MICALL2: variants seen among roughly 807,000 people sequenced by gnomAD.
MICALL2 encodes MICAL-like protein 2.
In MICALL2, 111 loss-of-function variants were observed where a neutral mutation model predicts 91.1. The ratio of observed to expected loss-of-function variants is 1.22; its 90% CI spans 1.04 to 1.43. MICALL2 has a LOEUF of 1.43. Among genes scored for constraint, MICALL2 ranks in the 40% most tolerant of loss-of-function variants. The pLI, the probability that MICALL2 is intolerant of heterozygous loss-of-function variation, is 0.00. For synonymous variants in MICALL2, 694 were observed against 525.3 expected (o/e 1.32, Z -4.39); for missense variants, 1,556 against 1,236.0 (o/e 1.26, Z -3.88).
Position 1,459,315 on chromosome 7 carries a change from G to C in MICALL2, c.12C>G (p.Ile4Met), listed in dbSNP as rs368824694. The change falls in exon 1 of 17, where the codon ATC (isoleucine) becomes ATG (methionine). Residue 4 changes from isoleucine to methionine, a missense_variant. Ile to Met is a conservative substitution (Grantham distance 10). Coordinates refer to ENST00000297508, the MANE Select transcript of MICALL2 (RefSeq NM_182924.4). MAA[I>M]RALQQWCRQQ... The stretch of plus-strand genomic sequence containing the variant: ...GCCGGCACCACTGTTGCAGCGCCCT[G>C]ATGGCCGCCATGTGGGCGGCGCGCC... The C allele has an allele frequency of 1.7e-5, 26 of 1,555,912 alleles. No individual in the cohort carries two copies. The African/African-American group carries it at 2.4e-4, about 14-fold the overall frequency.
chr7:1,434,825 G>A (rs573811881), intron 16 of MICALL2, 153 bp from the exon 17 acceptor site: 48 of 830,838 alleles, frequency 5.8e-5, no homozygotes, highest in East Asian at 3.5e-4. Context: ...GCCCTCCCAC[G>A]TGAGAACCTG....
At position 1,438,924 on chromosome 7, in the gene MICALL2, G is replaced by A. The variant is rs569986164; in HGVS notation, c.2038C>T (p.Leu680Phe). ...TCCTGGCCAGGGGGCTCCGGCCGAA[G>A]CCAGTTGTCACAAACGTCGAGGCTG... ...PASLDVCDNW[L>F]RPEPPGQEAR... The change falls in exon 10 of 17, where the codon CTT (leucine) becomes TTT (phenylalanine). Residue 680 changes from leucine (L) to phenylalanine (F), a missense_variant. Physicochemically the swap from Leu to Phe is conservative, Grantham distance 22. Coordinates refer to ENST00000297508, the MANE Select transcript of MICALL2 (RefSeq NM_182924.4). The A allele has an allele frequency of 3.4e-5, 55 of 1,608,378 alleles. No individual in the cohort carries two copies. Among genetic ancestry groups the A allele is most frequent in the South Asian group, 1.6e-4 (15 of 91,078 alleles).
intron 7 of MICALL2, 112 bp downstream of exon 7, chr7:1,442,080 A>G: frequency 8.2e-7 from 1 of 1,214,254 alleles, no homozygotes; most frequent in South Asian, 1.4e-5. Context: ...TGAGACGGAG[A>G]GGAAGGCGGG....
chr7:1,439,741 A>G (rs925640419), intron 9 of MICALL2, 184 bp downstream of exon 9: 3 of 461,220 alleles, frequency 6.5e-6, no homozygotes, highest in South Asian at 5.7e-5. Flanking sequence ...ACATGCACAC[A>G]TGCATCACAC....
intron 1 of MICALL2, among the ~76,000 whole-genome samples, chr7:1,458,120 G>A (rs1781083831): frequency 6.6e-6 from 1 of 152,266 alleles, no homozygotes; most frequent in South Asian, 2.1e-4. Flanking sequence ...CGAGGCTGTT[G>A]CTCAAGACCC....
chr7:1,439,677 G>A (rs1447000636), intron 9 of MICALL2: 3 of 410,376 alleles, frequency 7.3e-6, no homozygotes, highest in Non-Finnish European at 1.3e-5. Context: ...GAACACAGAT[G>A]TACACATGCG....
At chr7:1,454,873 T>C (rs1054303607) in intron 1 of MICALL2, among the ~76,000 whole-genome samples, 4 of 152,044 alleles carry the variant, frequency 2.6e-5, no homozygotes, top group African/African-American at 9.7e-5. Context: ...CTCCATGCAC[T>C]GCACAGCGGC....
At chr7:1,436,551 C>CCAAAAAAAAAAA (rs1455061319) in intron 15 of MICALL2, among the ~76,000 whole-genome samples, 191 bp downstream of exon 15, 2 of 74,486 alleles carry the variant, frequency 2.7e-5, no homozygotes, top group Non-Finnish European at 5.5e-5. Context: ...GACTCTGTCT[C>CCAAAAAAAAAAA]AAAAAAAAAA....
At chr7:1,441,962 G>A in intron 7 of MICALL2, 1 of 585,152 alleles carries the variant, frequency 1.7e-6, no homozygotes, top group Non-Finnish European at 3.0e-6. Flanking sequence ...CGGATGGGGT[G>A]GGCTGGGTGC....
At position 1,446,726 on chromosome 7, in the gene MICALL2, G is replaced by A. The variant is rs777372824; in HGVS notation, c.628C>T (p.Arg210Trp). ...GGGCAGCCCCACCTGAAGCAGCTCC[G>A]GTGGTAAAGCCTCCCGTCGGCCAGG... ...RHLADGRLYH[R>W]SCFRCKQCSC... The change falls in exon 5 of 17, where the codon CGG becomes TGG. Residue 210 changes from arginine to tryptophan, a missense_variant. Coordinates refer to ENST00000297508, the MANE Select transcript of MICALL2 (RefSeq NM_182924.4). 5.6e-6 allele frequency: 9 copies of A among 1,601,440 alleles called. No individual in the cohort carries two copies. Among genetic ancestry groups the A allele is most frequent in the East Asian group, 2.3e-5 (1 of 44,438 alleles).
At position 1,438,234 on chromosome 7, in the gene MICALL2, G is replaced by C; in HGVS notation, c.2188-14C>G. ...GTCGGGGTGCAGCTGGGAACGGAGG[G>C]GCGGTGAGGATGCCGGAGGGCTGGG... On this transcript the variant is annotated splice_polypyrimidine_tract_variant and intron_variant, in intron 11 of 16. Transcript: ENST00000297508. The C allele has an allele frequency of 1.3e-6, 2 of 1,589,342 alleles. No homozygotes were observed. Among genetic ancestry groups the C allele is most frequent in the Non-Finnish European group, 1.7e-6 (2 of 1,168,096 alleles).
At chr7:1,447,255 A>G (rs1780640926) in intron 4 of MICALL2, among the ~76,000 whole-genome samples, 1 of 152,174 alleles carries the variant, frequency 6.6e-6, no homozygotes, top group African/African-American at 2.4e-5. Context: ...TTCACTCTGC[A>G]GAGCCGGCCT....
intron 16 of MICALL2, 35 bp from the exon 17 acceptor site, chr7:1,434,707 C>A: frequency 6.6e-7 from 1 of 1,518,574 alleles, no homozygotes; most frequent in South Asian, 1.3e-5. Flanking sequence ...CCGTGCTCAA[C>A]GCCGCAGCCG....
In MICALL2 at chr7:1,442,322, C is replaced by T. The variant is rs751810303; in HGVS notation, c.1581G>A (p.Gln527=). The T allele has an allele frequency of 8.7e-6, 14 of 1,613,182 alleles. No individual in the cohort carries two copies. The East Asian group carries it at 3.1e-4, about 36-fold the overall frequency. The change falls in exon 7 of 17, where the codon CAG becomes CAA. Residue 527 remains glutamine, a synonymous_variant. Coordinates refer to ENST00000297508, the MANE Select transcript of MICALL2 (RefSeq NM_182924.4). The part of the protein sequence containing the change: ...PAPLSTSSTS[Q]ASALPPAGRR... Reference sequence around the variant, plus strand: ...TGCCTGCCGGGGGCAACGCGGATGCCTGAGAGGTACTGCTCGTGCTCAGCG... The same window carrying T: ...TGCCTGCCGGGGGCAACGCGGATGCTTGAGAGGTACTGCTCGTGCTCAGCG...
Position 1,444,737 on chromosome 7 carries a change from T to C in MICALL2, c.1333A>G (p.Lys445Glu). 1 of 1,612,460 alleles carries C rather than the reference T, an allele frequency of 6.2e-7. No homozygotes were observed. Among genetic ancestry groups the C allele is most frequent in the Non-Finnish European group, 8.5e-7 (1 of 1,179,846 alleles). Residue 445 changes from lysine to glutamate, a missense_variant, in exon 6 of 17, where the codon AAG becomes GAG. Coordinates refer to ENST00000297508, the MANE Select transcript of MICALL2 (RefSeq NM_182924.4). Reference protein sequence around the residue: ...RGPTPSLVLSKDSSKEQARNF... With the variant: ...RGPTPSLVLSEDSSKEQARNF... ...CGCGCCTGCTCCTTGCTGCTGTCCT[T>C]GGATAGAACAAGTGACGGGGTGGGA... is the stretch of plus-strand genomic sequence containing the variant.
intron 6 of MICALL2, among the ~76,000 whole-genome samples, chr7:1,443,012 G>A (rs1780382087): frequency 6.6e-6 from 1 of 152,054 alleles, no homozygotes; most frequent in Non-Finnish European, 1.5e-5. Flanking sequence ...CACACACCAG[G>A]AGTGAGGCTG....
intron 4 of MICALL2, among the ~76,000 whole-genome samples, chr7:1,447,356 C>T (rs1469016864): frequency 6.6e-6 from 1 of 151,992 alleles, no homozygotes; most frequent in African/African-American, 2.4e-5. Flanking sequence ...CACCTTTGTG[C>T]TCTCCCATCT....
chr7:1,446,670 G>A, intron 5 of MICALL2, 43 bp downstream of exon 5: 1 of 1,431,934 alleles, frequency 7.0e-7, no homozygotes, highest in Non-Finnish European at 9.6e-7. Context: ...GGTTCTGGGA[G>A]GGGAGGTGCA....
chr7:1,445,036 G>A lies in MICALL2; in HGVS notation c.1034C>T (p.Pro345Leu), dbSNP rs202218896. 4.5e-4 allele frequency: 694 copies of A among 1,535,930 alleles called. 2 individuals carry two copies. In the Middle Eastern group the frequency reaches 5.1e-3, roughly 11 times the overall value. ...KVRPRVTNSS[P>L]MGWSSAAPCT... ...CGGGGCAGCTGACGACCAGCCCATC[G>A]GGGAGCTATTGGTCACACGAGGGCG... Residue 345 changes from proline (P) to leucine (L), a missense_variant, in exon 6 of 17, where the codon CCG (proline) becomes CTG (leucine). Coordinates refer to ENST00000297508, the MANE Select transcript of MICALL2 (RefSeq NM_182924.4).
Sources: allele counts gnomAD v4.1 joint callset (sites outside exome capture counted in the v4.1 genomes callset), GRCh38; gene constraint gnomAD v4.1.1; transcripts MANE v1.5; gene names NCBI Gene and HGNC (gene_info 2026-07-23, HGNC 2026-07-21).